Variants in CADM4 observed in about 807,000 individuals in gnomAD.
CADM4 encodes TSLC1-like 2.
Under a neutral mutation model 43.9 loss-of-function variants are expected in CADM4, and 13 were observed. That is an observed-to-expected ratio of 0.30 (90% confidence interval 0.19 to 0.47). CADM4 has a LOEUF of 0.47. Ranked by LOEUF, CADM4 falls within the 20% of genes least tolerant of loss-of-function variation. The probability of loss-of-function intolerance (pLI) is 1.00; values close to 1 mark genes in which losing one functional copy is unlikely to be tolerated. For missense variants in CADM4, 420 were observed against 527.0 expected, an observed-to-expected ratio of 0.80 and a Z score of 1.99; for synonymous variants, 209 against 220.9, an observed-to-expected ratio of 0.95 and a Z score of 0.48.
intron 1 of CADM4, among the ~76,000 whole-genome samples, chr19:43,634,699 G>T (rs1001732679): frequency 4.6e-5 from 7 of 152,022 alleles, no homozygotes; most frequent in African/African-American, 1.7e-4. Context: ...GCCAGGAGTC[G>T]TCATGGGGAT....
chr19:43,629,226 G>A (rs1433435383), intron 1 of CADM4, among the ~76,000 whole-genome samples: 1 of 152,128 alleles, frequency 6.6e-6, no homozygotes, highest in Non-Finnish European at 1.5e-5. Context: ...CTAGAGGAGG[G>A]CAGAATCACA....
chr19:43,626,257 G>C lies in CADM4; in HGVS notation c.531C>G (p.Val177=), dbSNP rs1411189994. ...GVSSSQENGK[V]WSVASTVRFR... The stretch of plus-strand genomic sequence containing the variant: ...ACCGTACTGTGCTTGCCACGCTCCA[G>C]ACCTTGCCATTTTCCTGGCTGCTGC... The change falls in exon 5 of 9, where the codon GTC becomes GTG. Residue 177 remains valine (V), a synonymous_variant. Transcript: ENST00000222374. This position sits in a 1 kb window ranked among gnomAD's most constrained non-coding sequence, Gnocchi z 5.9. 2.5e-6 allele frequency: 4 copies of C among 1,612,518 alleles called. No individual in the cohort carries two copies. The highest frequency in any genetic ancestry group is 3.4e-6 in the Non-Finnish European group (4 of 1,180,006).
rs116981549 is a variant in CADM4, at chr19:43,632,405, C to G, written c.65-4615G>C. ...CCAGGGCCATTCTCCACCCAGTGGC[C>G]GGATCGATTTTTCAAAGAGGTAAAT... On this transcript the variant is annotated intron_variant, in intron 1 of 8. Coordinates refer to ENST00000222374, the MANE Select transcript of CADM4 (RefSeq NM_145296.2). 3.1e-3 allele frequency among the ~76,000 whole-genome samples: 477 copies of G among 152,234 alleles called. 2 individuals carry two copies. The highest frequency in any genetic ancestry group is 0.011 in the African/African-American group (438 of 41,538).
chr19:43,635,177 C>G (rs12608555), intron 1 of CADM4, among the ~76,000 whole-genome samples: 1 of 151,922 alleles, frequency 6.6e-6, no homozygotes, highest in African/African-American at 2.4e-5. Flanking sequence ...TCAGCGAATA[C>G]CCAAGGGAGT....
chr19:43,631,244 G>C (rs1286796516), intron 1 of CADM4, among the ~76,000 whole-genome samples: 45 of 152,024 alleles, frequency 3.0e-4, no homozygotes, highest in Admixed American at 3.0e-3. Context: ...AGGAGGCTGA[G>C]GCATAAGAAT....
chr19:43,627,235 C>T lies in CADM4; in HGVS notation c.295G>A (p.Glu99Lys). The change falls in exon 3 of 9, where the codon GAG (glutamate) becomes AAG (lysine). Residue 99 changes from glutamate to lysine, a missense_variant. Physicochemically the swap from Glu to Lys is moderately conservative, Grantham distance 56 (BLOSUM62 1). Transcript: ENST00000222374. The surrounding 1 kb of genome is among the most constrained non-coding windows in gnomAD (Gnocchi z 4.0). ...IRLSDARLEDEGGYFCQLYTE... is the reference protein window; with the variant it reads ...IRLSDARLEDKGGYFCQLYTE... ...TAGAGCTGGCAGAAATAGCCCCCCT[C>T]GTCCTCCAGGCGGGCATCTGAGAGC... 6.2e-7 allele frequency: 1 copy of T among 1,603,404 alleles called. No homozygotes were observed. The highest frequency in any genetic ancestry group is 8.5e-7 in the Non-Finnish European group (1 of 1,174,568).
intron 1 of CADM4, among the ~76,000 whole-genome samples, chr19:43,639,408 C>T (rs919108286): frequency 1.3e-5 from 2 of 150,840 alleles, no homozygotes; most frequent in South Asian, 2.1e-4. Flanking sequence ...GACAGAGGGA[C>T]GCAGAGACTG....
chr19:43,623,475 A>C lies in CADM4; in HGVS notation c.1058-36T>G. On this transcript the variant is annotated intron_variant, in intron 8 of 8. Transcript: ENST00000222374. This position sits in a 1 kb window ranked among gnomAD's most constrained non-coding sequence, Gnocchi z 4.4. ...GACAGACCCCCGGGGCAGGGGGGAC[A>C]TATTTGTGGATCCAGGAGTTGGACA... 7.7e-7 allele frequency: 1 copy of C among 1,303,984 alleles called. No individual in the cohort carries two copies. The highest frequency in any genetic ancestry group is 2.3e-5 in the East Asian group (1 of 43,458). The allele number at this position is 1,303,984 out of a possible 1,614,324, so 80.8% of individuals were successfully genotyped here.
chr19:43,639,713 G>A lies in CADM4; in HGVS notation c.64+14C>T. On this transcript the variant is annotated intron_variant, in intron 1 of 8. Transcript: ENST00000222374. ...GCCCCAGCCCGGCCGGCCGACCCCG[G>A]CCCCCGACCCTACCTGGCCCCGCCG... is the stretch of plus-strand genomic sequence containing the variant. The A allele has an allele frequency of 1.0e-6, 1 of 993,642 alleles. No homozygotes were observed. The highest frequency in any genetic ancestry group is 4.2e-5 in the South Asian group (1 of 23,556). The allele number at this position is 993,642 out of a possible 1,614,324, so 61.6% of individuals were successfully genotyped here. A position where few individuals can be genotyped will look rare whatever the true frequency, so the allele number is the denominator to read the frequency against.
At chr19:43,639,851 G>A, upstream of CADM4, 1 of 975,188 alleles carries the variant, frequency 1.0e-6, no homozygotes, top group Non-Finnish European at 1.2e-6. Flanking sequence ...CGCCCGCGCC[G>A]CCCGCCCCGC....
rs763215789 is a variant in CADM4, at chr19:43,623,446, G to T, written c.1058-7C>A. 1.1e-5 allele frequency: 17 copies of T among 1,600,988 alleles called. No individual in the cohort carries two copies. Among genetic ancestry groups the T allele is most frequent in the Non-Finnish European group, 1.5e-5 (17 of 1,168,128 alleles). On this transcript the variant is annotated splice_polypyrimidine_tract_variant and splice_region_variant and intron_variant, in intron 8 of 8. Coordinates refer to ENST00000222374, the MANE Select transcript of CADM4 (RefSeq NM_145296.2). This position sits in a 1 kb window ranked among gnomAD's most constrained non-coding sequence, Gnocchi z 4.4. ...TCGTGGGTCAGATAGGAACCTGAGG[G>T]GGTGACAGACCCCCGGGGCAGGGGG...
chr19:43,631,335 C>G (rs967910943), intron 1 of CADM4, among the ~76,000 whole-genome samples: 1 of 148,820 alleles, frequency 6.7e-6, no homozygotes, highest in Non-Finnish European at 1.5e-5. Flanking sequence ...AGCAAGACTC[C>G]GTTTCAAAAA....
chr19:43,627,922 T>A lies in CADM4; in HGVS notation c.65-132A>T. 1.1e-6 allele frequency: 1 copy of A among 896,038 alleles called. No individual in the cohort carries two copies. Among genetic ancestry groups the A allele is most frequent in the African/African-American group, 1.7e-5 (1 of 60,174 alleles). 55.5% of individuals were successfully genotyped at this position (896,038 alleles called of 1,614,324 possible). The stretch of plus-strand genomic sequence containing the variant: ...CTCATTCATTCCATTGCACTGAACA[T>A]TTCCTGCAGGCTAGAGTCCAGGACA... On this transcript the variant is annotated intron_variant, in intron 1 of 8. Transcript: ENST00000222374. This position sits in a 1 kb window ranked among gnomAD's most constrained non-coding sequence, Gnocchi z 4.0.
intron 1 of CADM4, among the ~76,000 whole-genome samples, chr19:43,635,848 G>A (rs1973696093): frequency 1.7e-5 from 2 of 114,508 alleles, no homozygotes; most frequent in South Asian, 6.2e-4. Context: ...AGACTCAGGA[G>A]TCTAAGACCC....
intron 1 of CADM4, 119 bp downstream of exon 1, chr19:43,639,608 G>C: frequency 5.1e-6 from 3 of 589,050 alleles, no homozygotes; most frequent in Non-Finnish European, 6.4e-6. Flanking sequence ...TCCCGGGGAG[G>C]GGGCCCGGCC....
intron 1 of CADM4, among the ~76,000 whole-genome samples, chr19:43,628,294 G>A (rs373084998): frequency 6.6e-6 from 1 of 151,768 alleles, no homozygotes; most frequent in Non-Finnish European, 1.5e-5. Context: ...AATTAGCTGG[G>A]TGTGGTGGTG....
At chr19:43,639,645 T>C in intron 1 of CADM4, 82 bp downstream of exon 1, 1 of 827,714 alleles carries the variant, frequency 1.2e-6, no homozygotes, top group South Asian at 5.3e-5. Context: ...GTTCGGCCTC[T>C]GCGGCCCCGA....
At chr19:43,631,786 C>T (rs997491091) in intron 1 of CADM4, among the ~76,000 whole-genome samples, 4 of 152,150 alleles carry the variant, frequency 2.6e-5, no homozygotes, top group South Asian at 2.1e-4. Flanking sequence ...GTGGGGATGG[C>T]GGAACCAAGA....
At chr19:43,624,750 A>C (rs1007535537) in intron 7 of CADM4, 7 of 336,790 alleles carry the variant, frequency 2.1e-5, no homozygotes, top group Admixed American at 4.6e-5. Flanking sequence ...CCACCGTCAT[A>C]GAGCTAAACA....
Sources: allele counts gnomAD v4.1 joint callset (sites outside exome capture counted in the v4.1 genomes callset), GRCh38; gene constraint gnomAD v4.1.1; non-coding constraint Gnocchi (gnomAD v3.1); transcripts MANE v1.5; gene names NCBI Gene and HGNC (gene_info 2026-07-23, HGNC 2026-07-21).